Variants in KCNIP4 observed in about 807,000 individuals in gnomAD.
KCNIP4 encodes potassium voltage-gated channel interacting protein 4.
A neutral mutation model predicts 34.0 loss-of-function variants in KCNIP4; 12 were observed. The ratio of observed to expected loss-of-function variants is 0.35; its 90% CI spans 0.23 to 0.57. The LOEUF (loss-of-function observed/expected upper bound fraction) is 0.57. Ranked by LOEUF, KCNIP4 falls within the 20% of genes least tolerant of loss-of-function variation. KCNIP4 has a pLI of 0.83. For synonymous variants in KCNIP4, 124 were observed against 102.2 expected (o/e 1.21, Z -1.29); for missense variants, 238 against 311.7 (o/e 0.76, Z 1.78).
At chr4:21,398,038 G>GA (rs1197284314) in intron 1 of KCNIP4, among the ~76,000 whole-genome samples, 1 of 152,194 alleles carries the variant, frequency 6.6e-6, no homozygotes, top group Non-Finnish European at 1.5e-5. Context: ...GAATGAGGCT[G>GA]AAAAGTCAGA....
At chr4:21,286,738 T>G (rs535559899) in intron 1 of KCNIP4, among the ~76,000 whole-genome samples, 1 of 152,282 alleles carries the variant, frequency 6.6e-6, no homozygotes, top group South Asian at 2.1e-4. Context: ...ATCCTTATTT[T>G]GTTGATAAGA....
In KCNIP4 at chr4:20,800,530, A is replaced by T. The variant is rs912761290; in HGVS notation, c.289-41640T>A. ...GAGAATACACATAGGCGATTCAATG[A>T]AATCAGGAATATAATTCATTATCTG... On this transcript the variant is annotated intron_variant, in intron 3 of 8. Coordinates refer to ENST00000382152, the MANE Select transcript of KCNIP4 (RefSeq NM_025221.6). Among the ~76,000 whole-genome samples the T allele has an allele frequency of 2.6e-5, 4 of 152,224 alleles. No individual in the cohort carries two copies. In the East Asian group the frequency reaches 7.7e-4, roughly 29 times the overall value.
At chr4:21,785,826 G>A (rs979448408) in intron 1 of KCNIP4, among the ~76,000 whole-genome samples, 7 of 152,080 alleles carry the variant, frequency 4.6e-5, no homozygotes, top group African/African-American at 1.7e-4. Flanking sequence ...GTACGGATAT[G>A]TCACATTTTA....
intron 1 of KCNIP4, among the ~76,000 whole-genome samples, chr4:21,186,562 G>A (rs79811677): frequency 0.091 from 13,827 of 152,200 alleles, 727 homozygotes; most frequent in East Asian, 0.19. Flanking sequence ...TTAAAGAAGG[G>A]TTAAGATAAA....
chr4:21,592,734 G>T (rs1742313981), intron 1 of KCNIP4, among the ~76,000 whole-genome samples: 1 of 152,076 alleles, frequency 6.6e-6, no homozygotes, highest in Admixed American at 6.6e-5. Flanking sequence ...AGACAAATAT[G>T]CAGGCCTAAT....
At chr4:21,697,783 A>C in intron 1 of KCNIP4, 11 of 499,126 alleles carry the variant, frequency 2.2e-5, no homozygotes, top group Non-Finnish European at 3.0e-5. Flanking sequence ...TTGCAACCTC[A>C]CAGACCATTC....
chr4:20,880,697 C>A (rs1357775995), intron 2 of KCNIP4, among the ~76,000 whole-genome samples: 1 of 152,120 alleles, frequency 6.6e-6, no homozygotes, highest in Non-Finnish European at 1.5e-5. Flanking sequence ...ATATTTTCAG[C>A]AAATATCTAA....
intron 1 of KCNIP4, among the ~76,000 whole-genome samples, chr4:21,682,759 C>A (rs1485144746): frequency 6.6e-6 from 1 of 151,924 alleles, no homozygotes; most frequent in Non-Finnish European, 1.5e-5. Context: ...AATAGGGAGG[C>A]CCAAGGAGAA....
At chr4:21,824,355 A>G (rs1055443352) in intron 1 of KCNIP4, among the ~76,000 whole-genome samples, 1 of 152,198 alleles carries the variant, frequency 6.6e-6, no homozygotes, top group African/African-American at 2.4e-5. Context: ...TCATGCAGCC[A>G]GAGGCCGCAA....
intron 1 of KCNIP4, among the ~76,000 whole-genome samples, chr4:21,911,545 T>C (rs1370783054): frequency 2.0e-5 from 3 of 148,650 alleles, no homozygotes; most frequent in East Asian, 4.0e-4. Flanking sequence ...GCACTTGACT[T>C]TTTGAGATGG....
rs371751955 is a variant in KCNIP4 at position 21,948,760 on chromosome 4, C to T, written c.-129G>A. The T allele has an allele frequency of 3.5e-4, 414 of 1,174,456 alleles. 3 individuals carry two copies. In the South Asian group the frequency reaches 9.8e-3, roughly 28 times the overall value. 72.8% of individuals were successfully genotyped at this position (1,174,456 alleles called of 1,614,324 possible). On this transcript the variant is annotated 5_prime_UTR_variant, in exon 1 of 9. Transcript: ENST00000382152. ...TCCGTGGCGCTGGGAGCGAGAGCTT[C>T]GGCGGCGGCTGCGGGCAGGGCGCGC...
At chr4:21,070,406 TC>T (rs1362164253) in intron 1 of KCNIP4, among the ~76,000 whole-genome samples, 1 of 151,846 alleles carries the variant, frequency 6.6e-6, no homozygotes, top group African/African-American at 2.4e-5. Context: ...TTTTAAAGTG[TC>T]CAACTAGTTT....
chr4:21,850,996 AG>A, intron 1 of KCNIP4: 1 of 152,330 alleles, frequency 6.6e-6, no homozygotes, highest in South Asian at 2.1e-4. Flanking sequence ...ATAATGACAT[AG>A]GAAAAAAAAC....
intron 3 of KCNIP4, among the ~76,000 whole-genome samples, chr4:20,788,809 T>G (rs1342617843): frequency 6.6e-6 from 1 of 151,958 alleles, no homozygotes; most frequent in Non-Finnish European, 1.5e-5. Flanking sequence ...AAATGGAAAA[T>G]TACACCTTCT....
At chr4:21,889,740 G>A (rs769055681) in intron 1 of KCNIP4, among the ~76,000 whole-genome samples, 3 of 152,156 alleles carry the variant, frequency 2.0e-5, no homozygotes, top group Non-Finnish European at 4.4e-5. Context: ...AGAAAAACCT[G>A]TGAGGGACAG....
intron 1 of KCNIP4, among the ~76,000 whole-genome samples, chr4:21,827,981 T>C (rs1722768217): frequency 1.4e-5 from 2 of 144,274 alleles, no homozygotes; most frequent in Non-Finnish European, 3.0e-5. Context: ...CTCTAACTTA[T>C]AAACAGGAAA....
intron 1 of KCNIP4, among the ~76,000 whole-genome samples, chr4:21,017,656 G>A (rs962437528): frequency 1.6e-4 from 24 of 152,238 alleles, no homozygotes; most frequent in East Asian, 5.8e-4. Flanking sequence ...GAACATATGT[G>A]TGCATGTATC....
chr4:21,573,996 C>G (rs988759233), intron 1 of KCNIP4, among the ~76,000 whole-genome samples: 4 of 152,082 alleles, frequency 2.6e-5, no homozygotes, highest in Non-Finnish European at 5.9e-5. Flanking sequence ...AAATGGGTGT[C>G]AACGGCTTGG....
intron 1 of KCNIP4, among the ~76,000 whole-genome samples, chr4:21,226,439 A>T (rs958220912): frequency 2.0e-5 from 3 of 151,078 alleles, no homozygotes; most frequent in Non-Finnish European, 4.4e-5. Context: ...TAGGATTTTG[A>T]TGATACAATT....
Sources: gnomAD v4.1 joint callset for allele counts (sites outside exome capture counted in the v4.1 genomes callset) on GRCh38, gnomAD v4.1.1 for gene constraint, MANE v1.5 for transcripts, NCBI Gene and HGNC (gene_info 2026-07-23, HGNC 2026-07-21) for gene names.